The following SETD3 variants were observed in gnomAD, a reference collection of about 807,000 sequenced individuals.
SETD3 encodes the protein SET domain containing 3, actin N3(tau)-histidine methyltransferase, also known as actin-histidine N-methyltransferase.
SETD3 carries 19 observed loss-of-function variants against 63.0 expected under a neutral mutation model. The ratio of observed to expected loss-of-function variants is 0.30; its 90% CI spans 0.21 to 0.44. SETD3 has a LOEUF of 0.44. SETD3 is among the 20% of genes least tolerant of loss of function. SETD3 has a pLI of 1.00. For missense variants in SETD3, 587 were observed against 728.5 expected (o/e 0.81, Z 2.24); for synonymous variants, 286 against 264.1 (o/e 1.08, Z -0.80).
At chr14:99,406,682 A>C in intron 8 of SETD3, 92 bp from the exon 9 acceptor site, 1 of 1,283,786 alleles carries the variant, frequency 7.8e-7, no homozygotes, top group Non-Finnish European at 1.1e-6. Context: ...TCAGAGGAAA[A>C]AGGGGATCCC....
intron 6 of SETD3, among the ~76,000 whole-genome samples, chr14:99,453,084 T>C (rs1275178099): frequency 1.3e-5 from 2 of 152,116 alleles, no homozygotes; most frequent in Non-Finnish European, 2.9e-5. Flanking sequence ...GTCACAGTAA[T>C]GGAATATGAA....
At chr14:99,439,130 C>G (rs1240442343) in intron 6 of SETD3, among the ~76,000 whole-genome samples, 3 of 152,218 alleles carry the variant, frequency 2.0e-5, no homozygotes, top group Non-Finnish European at 1.5e-5. Flanking sequence ...GCCACAGGCA[C>G]TACAGGCAAC....
rs541246762 is a variant in SETD3, at chr14:99,461,670, T to C, written c.197-330A>G. On this transcript the variant is annotated intron_variant, in intron 3 of 12. Transcript: ENST00000331768. ...CCACTACTATGATTTACAGAGCAGT[T>C]TTCTCCTTAAAAGTCAAACATGCCA... is the stretch of plus-strand genomic sequence containing the variant. Among the ~76,000 whole-genome samples the C allele has an allele frequency of 9.8e-5, 15 of 152,342 alleles. No homozygotes were observed. In the Middle Eastern group the frequency reaches 0.014, roughly 138 times the overall value.
upstream of SETD3, chr14:99,481,455 C>G (rs1896314197): frequency 1.5e-5 from 6 of 398,616 alleles, no homozygotes; most frequent in African/African-American, 8.2e-5. Flanking sequence ...AGAGACGTCG[C>G]TGAGGGGCTT....
chr14:99,480,353 C>A (rs3918025), intron 1 of SETD3, among the ~76,000 whole-genome samples: 1 of 152,022 alleles, frequency 6.6e-6, no homozygotes, highest in Non-Finnish European at 1.5e-5. Flanking sequence ...CCGGGGACAG[C>A]GGGGCAAGCT....
Position 99,427,309 on chromosome 14 carries a change from A to T in SETD3, c.676-13375T>A, listed in dbSNP as rs950193950. Among the ~76,000 whole-genome samples the T allele has an allele frequency of 2.0e-5, 3 of 152,334 alleles. No individual in the cohort carries two copies. The East Asian group carries it at 5.8e-4, about 29-fold the overall frequency. ...AAATACGTTACCCCATCATAAGGATAACCAAAATAACCACATCTTTTAGCC... is the reference window on the plus strand; with the variant it reads ...AAATACGTTACCCCATCATAAGGATTACCAAAATAACCACATCTTTTAGCC... On this transcript the variant is annotated intron_variant, in intron 6 of 12. Transcript: ENST00000331768.
rs112039971 is a variant in SETD3 at position 99,410,512 on chromosome 14, T to C, written c.849+2439A>G. ...AACATACTCTCTGTATGGGAACTAA[T>C]ACCACTGTCTAACAGTCACTTAGAA... On this transcript the variant is annotated intron_variant, in intron 8 of 12. Coordinates refer to ENST00000331768, the MANE Select transcript of SETD3 (RefSeq NM_032233.3). Among the ~76,000 whole-genome samples the C allele has an allele frequency of 8.5e-3, 1,289 of 152,318 alleles. 16 individuals are homozygous for C. Among genetic ancestry groups the C allele is most frequent in the African/African-American group, 0.029 (1,209 of 41,556 alleles).
At chr14:99,469,818 C>T (rs1895599488) in intron 1 of SETD3, among the ~76,000 whole-genome samples, 2 of 152,228 alleles carry the variant, frequency 1.3e-5, no homozygotes, top group Admixed American at 1.3e-4. Context: ...AAGGCCCCAG[C>T]CTTGCAGAAG....
chr14:99,455,881 G>A (rs888342878), intron 6 of SETD3, among the ~76,000 whole-genome samples: 2 of 152,352 alleles, frequency 1.3e-5, no homozygotes, highest in East Asian at 1.9e-4. Flanking sequence ...CAGGCTGAGC[G>A]AGGCGGTTCA....
chr14:99,400,354 C>T (rs1033872828), intron 11 of SETD3, 95 bp from the exon 12 acceptor site: 15 of 1,327,910 alleles, frequency 1.1e-5, no homozygotes, highest in African/African-American at 8.8e-5. Flanking sequence ...TTTCCAACAA[C>T]GCCATTTTCC....
At position 99,410,456 on chromosome 14, in the gene SETD3, C is replaced by T. The variant is rs566346325; in HGVS notation, c.849+2495G>A. On this transcript the variant is annotated intron_variant, in intron 8 of 12. Coordinates refer to ENST00000331768, the MANE Select transcript of SETD3 (RefSeq NM_032233.3). The stretch of plus-strand genomic sequence containing the variant: ...GCCCTTTCATCCCACCTGGTAGAGT[C>T]GCAGATTCAAATGCAAGCACTGATT... Among the ~76,000 whole-genome samples the T allele has an allele frequency of 3.9e-5, 6 of 152,178 alleles. No homozygotes were observed. In the East Asian group the frequency reaches 9.6e-4, roughly 24 times the overall value.
chr14:99,452,169 C>T (rs778905976), intron 6 of SETD3, among the ~76,000 whole-genome samples: 33 of 152,016 alleles, frequency 2.2e-4, no homozygotes, highest in African/African-American at 7.5e-4. Flanking sequence ...TGCAGTGGCA[C>T]GATCTCGGCT....
At chr14:99,481,853 A>T (rs977739419), upstream of SETD3, among the ~76,000 whole-genome samples, 1 of 152,262 alleles carries the variant, frequency 6.6e-6, no homozygotes, top group South Asian at 2.1e-4. Context: ...TTCGCGGCGT[A>T]TTAGTCCCAA....
chr14:99,485,522 C>A (rs769613648), upstream of SETD3, among the ~76,000 whole-genome samples: 3 of 152,184 alleles, frequency 2.0e-5, no homozygotes, highest in African/African-American at 4.8e-5. Context: ...TTTTTATTAT[C>A]CCTTGACCAG....
At chr14:99,474,566 T>C (rs537087307) in intron 1 of SETD3, among the ~76,000 whole-genome samples, 2 of 152,226 alleles carry the variant, frequency 1.3e-5, no homozygotes, top group African/African-American at 4.8e-5. Flanking sequence ...ACTTGAGATT[T>C]TAAAAATACA....
intron 6 of SETD3, among the ~76,000 whole-genome samples, chr14:99,432,400 C>A (rs2139693703): frequency 6.6e-6 from 1 of 152,250 alleles, no homozygotes; most frequent in East Asian, 1.9e-4. Flanking sequence ...AAATCAAGTT[C>A]TTAATAATTG....
intron 12 of SETD3, among the ~76,000 whole-genome samples, chr14:99,399,670 G>A (rs971651468): frequency 6.6e-6 from 1 of 151,384 alleles, no homozygotes; most frequent in Non-Finnish European, 1.5e-5. Flanking sequence ...GAAATGAATG[G>A]AAAATTTCAA....
rs1595296197 is a variant in SETD3 at position 99,480,528 on chromosome 14, C to T, written c.-9+200G>A. On this transcript the variant is annotated intron_variant, in intron 1 of 12. Transcript: ENST00000331768. ...CGCCCTCCGACCCCGCCGGGCCCTC[C>T]TCGCCCTGGCCCCCGAGCGCACACC... Among the ~76,000 whole-genome samples, 18 of 150,990 alleles carry T rather than the reference C, an allele frequency of 1.2e-4. No homozygotes were observed. In the South Asian group the frequency reaches 3.7e-3, roughly 31 times the overall value.
At chr14:99,447,786 G>C (rs966511256) in intron 6 of SETD3, among the ~76,000 whole-genome samples, 2 of 152,190 alleles carry the variant, frequency 1.3e-5, no homozygotes, top group African/African-American at 4.8e-5. Flanking sequence ...CTTCCTCATA[G>C]CTTGGGGGAA....
Sources: gnomAD v4.1 joint callset for allele counts (sites outside exome capture counted in the v4.1 genomes callset) on GRCh38, gnomAD v4.1.1 for gene constraint, MANE v1.5 for transcripts, NCBI Gene and HGNC (gene_info 2026-07-23, HGNC 2026-07-21) for gene names.